The following KIF21A variants were observed in gnomAD, a reference collection of about 807,000 sequenced individuals.
The protein encoded by KIF21A is kinesin-like protein KIF21A.
KIF21A carries 114 observed loss-of-function variants against 202.9 expected under a neutral mutation model. The observed-to-expected ratio is 0.56, with a 90% CI of 0.48 to 0.66. KIF21A has a LOEUF of 0.66. Among genes scored for constraint, KIF21A ranks in the 30% least tolerant of loss-of-function variants. The pLI, the probability that KIF21A is intolerant of heterozygous loss-of-function variation, is 0.00. For missense variants in KIF21A, 1,677 were observed against 1,994.9 expected (o/e 0.84, Z 3.04); for synonymous variants, 667 against 670.8 (o/e 0.99, Z 0.09).
Position 39,382,788 on chromosome 12 carries a change from C to T in KIF21A, c.45-12527G>A, listed in dbSNP as rs762577226. The stretch of plus-strand genomic sequence containing the variant: ...AAAACAATTAACAAGCCATATTTTC[C>T]TAAATGCACACAAAACAGCATGTGG... On this transcript the variant is annotated intron_variant, in intron 1 of 37. Coordinates refer to ENST00000361418, the MANE Select transcript of KIF21A (RefSeq NM_001173464.2). 1.9e-4 allele frequency among the ~76,000 whole-genome samples: 29 copies of T among 152,122 alleles called. 1 individual carries two copies. Among genetic ancestry groups the T allele is most frequent in the Non-Finnish European group, 3.4e-4 (23 of 68,012 alleles).
chr12:39,377,537 C>A (rs1950343077), intron 1 of KIF21A, among the ~76,000 whole-genome samples: 3 of 152,124 alleles, frequency 2.0e-5, no homozygotes, highest in Admixed American at 1.3e-4. Flanking sequence ...ACCATAAGAA[C>A]TTGTTAGGCC....
rs2137197368 is a variant in KIF21A, at chr12:39,304,872, A to T, written c.4509T>A (p.Ile1503=). Residue 1503 remains isoleucine, a synonymous_variant, in exon 35 of 38, where the codon ATT becomes ATA. Coordinates refer to ENST00000361418, the MANE Select transcript of KIF21A (RefSeq NM_001173464.2). Reference sequence around the variant, plus strand: ...TGATGATTAGATCTTGTCCACTGGAAATCTGATCCACAGTAAGGCACATAA... The same window carrying T: ...TGATGATTAGATCTTGTCCACTGGATATCTGATCCACAGTAAGGCACATAA... The part of the protein sequence containing the change: ...GPVMCLTVDQ[I]SSGQDLIITG... 1 of 1,609,896 alleles carries T rather than the reference A, an allele frequency of 6.2e-7. No homozygotes were observed. Among genetic ancestry groups the T allele is most frequent in the Non-Finnish European group, 8.5e-7 (1 of 1,176,688 alleles).
chr12:39,426,861 G>A (rs1442755608), intron 1 of KIF21A, among the ~76,000 whole-genome samples: 2 of 150,296 alleles, frequency 1.3e-5, no homozygotes, highest in Non-Finnish European at 3.0e-5. Context: ...TCCAGCCTGG[G>A]TGACAGAGTG....
chr12:39,370,340 C>A (rs1419129272), intron 1 of KIF21A, 79 bp from the exon 2 acceptor site: 8 of 1,043,940 alleles, frequency 7.7e-6, no homozygotes, highest in Non-Finnish European at 1.0e-5. Context: ...CTTAAAAACT[C>A]TTGGCCAAAT....
At chr12:39,313,210 A>G (rs575447328) in intron 31 of KIF21A, among the ~76,000 whole-genome samples, 1 of 151,996 alleles carries the variant, frequency 6.6e-6, no homozygotes, top group African/African-American at 2.4e-5. Flanking sequence ...AGAAATCACA[A>G]AGATCAAAAA....
chr12:39,422,018 C>T (rs1020444446), intron 1 of KIF21A, among the ~76,000 whole-genome samples: 4 of 151,686 alleles, frequency 2.6e-5, no homozygotes, highest in South Asian at 2.1e-4. Flanking sequence ...CATGCAATGG[C>T]GCCATCATAG....
rs1045301692 is a variant in KIF21A at position 39,371,884 on chromosome 12, G to A, written c.45-1623C>T. Among the ~76,000 whole-genome samples the A allele has an allele frequency of 2.0e-5, 3 of 150,848 alleles. No individual in the cohort carries two copies. The Admixed American group carries it at 2.0e-4, about 10-fold the overall frequency. On this transcript the variant is annotated intron_variant, in intron 1 of 37. Coordinates refer to ENST00000361418, the MANE Select transcript of KIF21A (RefSeq NM_001173464.2). ...GTGAAGGTTGCAGTGAGCCAAGACA[G>A]CACCACTGCACTCCAGCCTGGGCGA...
intron 27 of KIF21A, 77 bp downstream of exon 27, chr12:39,322,591 A>T (rs1945398569): frequency 9.4e-7 from 1 of 1,059,950 alleles, no homozygotes; most frequent in African/African-American, 1.6e-5. Context: ...AATAATAGAA[A>T]TAAGAAATTA....
At position 39,437,808 on chromosome 12, in the gene KIF21A, A is replaced by G. The variant is rs144970230; in HGVS notation, c.44+5119T>C. ...TAATAGGCACTTAAAGATTTGTTGT[A>G]TTAAGGATGAAAGGAATAAATAACC... On this transcript the variant is annotated intron_variant, in intron 1 of 37. Transcript: ENST00000361418. Among the ~76,000 whole-genome samples, 110 of 152,306 alleles carry G rather than the reference A, an allele frequency of 7.2e-4. No homozygotes were observed. The East Asian group carries it at 0.015, about 21-fold the overall frequency.
At chr12:39,335,562 T>A (rs941248117) in intron 17 of KIF21A, among the ~76,000 whole-genome samples, 4 of 152,104 alleles carry the variant, frequency 2.6e-5, no homozygotes, top group Non-Finnish European at 5.9e-5. Flanking sequence ...TAGCGTATAT[T>A]CCTGGAGTAA....
chr12:39,423,265 T>C (rs1378680995), intron 1 of KIF21A, among the ~76,000 whole-genome samples: 3 of 152,176 alleles, frequency 2.0e-5, no homozygotes, highest in African/African-American at 7.2e-5. Context: ...GATGAGTTTT[T>C]TTCTTGCTCC....
At chr12:39,320,888 T>C (rs1015032677) in intron 27 of KIF21A, among the ~76,000 whole-genome samples, 1 of 115,356 alleles carries the variant, frequency 8.7e-6, no homozygotes, top group Non-Finnish European at 1.6e-5. Context: ...TGAGCCAAGA[T>C]CACATCACTG....
At chr12:39,395,894 T>C (rs891173200) in intron 1 of KIF21A, among the ~76,000 whole-genome samples, 1 of 151,252 alleles carries the variant, frequency 6.6e-6, no homozygotes, top group African/African-American at 2.4e-5. Context: ...TTTTTCTTCC[T>C]TCCCCCCGCC....
At chr12:39,387,552 C>T (rs957757862) in intron 1 of KIF21A, among the ~76,000 whole-genome samples, 2 of 152,154 alleles carry the variant, frequency 1.3e-5, no homozygotes, top group Admixed American at 6.5e-5. Context: ...GCTAGGTTTC[C>T]TATCTTCCCC....
At chr12:39,373,801 T>C (rs987921587) in intron 1 of KIF21A, among the ~76,000 whole-genome samples, 1 of 152,222 alleles carries the variant, frequency 6.6e-6, no homozygotes, top group Admixed American at 6.5e-5. Flanking sequence ...TCTTAACCTC[T>C]ACTCATCTGG....
At chr12:39,352,059 AC>A in intron 10 of KIF21A, 79 bp from the exon 11 acceptor site, 1 of 1,020,370 alleles carries the variant, frequency 9.8e-7, no homozygotes, top group Non-Finnish European at 1.5e-6. Flanking sequence ...GTACCACACT[AC>A]CATTTCTTAA....
In KIF21A at chr12:39,341,615, CT is replaced by C; in HGVS notation, c.1810del (p.Ser604ValfsTer4). 1 of 1,607,734 alleles carries C rather than the reference CT, an allele frequency of 6.2e-7. No homozygotes were observed. The highest frequency in any genetic ancestry group is 8.5e-7 in the Non-Finnish European group (1 of 1,177,048). ...RENNELEVEE[S>X]QEVSDHEDEE... is the part of the protein sequence containing the mutation. Reference sequence around the variant, plus strand: ...ATCCTCATGATCACTCACTTCTTGACTTTCTTCCTAAAATGTGATTTGTAAA... The same window carrying C: ...ATCCTCATGATCACTCACTTCTTGACTTCTTCCTAAAATGTGATTTGTAAA... On this transcript the variant is annotated frameshift_variant, in exon 14 of 38. Coordinates refer to ENST00000361418, the MANE Select transcript of KIF21A (RefSeq NM_001173464.2). LOFTEE classifies it high-confidence loss of function.
intron 26 of KIF21A, among the ~76,000 whole-genome samples, chr12:39,324,508 C>T (rs1036640842): frequency 2.0e-5 from 3 of 152,188 alleles, no homozygotes; most frequent in African/African-American, 7.2e-5. Flanking sequence ...TAATAAAACA[C>T]AAACCACATG....
intron 1 of KIF21A, among the ~76,000 whole-genome samples, chr12:39,402,248 C>A (rs1952222266): frequency 6.6e-6 from 1 of 152,178 alleles, no homozygotes; most frequent in Non-Finnish European, 1.5e-5. Flanking sequence ...GAAAATCTTT[C>A]TGAGCCACCA....
Sources: allele counts gnomAD v4.1 joint callset (sites outside exome capture counted in the v4.1 genomes callset), GRCh38; gene constraint gnomAD v4.1.1; transcripts MANE v1.5; gene names NCBI Gene and HGNC (gene_info 2026-07-23, HGNC 2026-07-21).